TLE1: variants seen among roughly 807,000 people sequenced by gnomAD.
The protein encoded by TLE1 is TLE family member 1, transcriptional corepressor, also known as transducin-like enhancer protein 1.
Under a neutral mutation model 89.8 loss-of-function variants are expected in TLE1, and 21 were observed. The observed-to-expected ratio is 0.23, with a 90% CI of 0.17 to 0.34. The LOEUF (loss-of-function observed/expected upper bound fraction) is 0.34. Ranked by LOEUF, TLE1 falls within the 10% of genes least tolerant of loss-of-function variation. TLE1 has a pLI of 1.00. For synonymous variants in TLE1, 447 were observed against 407.6 expected (o/e 1.10, Z -1.16); for missense variants, 795 against 1,031.2 (o/e 0.77, Z 3.14).
intron 6 of TLE1, 94 bp downstream of exon 6, chr9:81,652,106 TACACACACACACAC>T (rs3045544): frequency 5.6e-5 from 39 of 696,356 alleles, no homozygotes; most frequent in Non-Finnish European, 7.9e-5. Context: ...AACGTTAAGA[TACACACACACACAC>T]ACACACACAC....
intron 16 of TLE1, 101 bp from the exon 17 acceptor site, chr9:81,587,929 T>C (rs368456981): frequency 1.2e-5 from 6 of 507,296 alleles, no homozygotes; most frequent in African/African-American, 5.8e-5. Context: ...TGTGTGTGTG[T>C]GTGTGTGTGT....
intron 4 of TLE1, among the ~76,000 whole-genome samples, chr9:81,661,977 C>G (rs11139360): frequency 0.21 from 31,816 of 152,100 alleles, 4,022 homozygotes; most frequent in Non-Finnish European, 0.28. Flanking sequence ...CAATGTGTTT[C>G]AAGAGCATGA....
intron 8 of TLE1, 52 bp from the exon 9 acceptor site, chr9:81,620,609 C>T (rs913700245): frequency 6.3e-7 from 1 of 1,579,394 alleles, no homozygotes; most frequent in East Asian, 2.2e-5. Context: ...TCTTTGTACA[C>T]ATGAAACCCA....
intron 4 of TLE1, among the ~76,000 whole-genome samples, chr9:81,675,708 G>GTTTTTTTTTTTTTTTTTTTTTTTTTTT (rs61458315): frequency 3.0e-5 from 4 of 132,442 alleles, no homozygotes; most frequent in African/African-American, 9.0e-5. Flanking sequence ...GTTTTTTTTT[G>GTTTTTTTTTTTTTTTTTTTTTTTTTTT]TTTTTTTTTT....
At chr9:81,584,352 C>G (rs553083579) in intron 19 of TLE1, 47 bp from the exon 20 acceptor site, 1 of 1,608,868 alleles carries the variant, frequency 6.2e-7, no homozygotes, top group African/African-American at 1.3e-5. Context: ...AACAACGGTA[C>G]TCAGAGGCCC....
At chr9:81,657,840 GGTT>G (rs1407831757) in intron 4 of TLE1, among the ~76,000 whole-genome samples, 1 of 150,822 alleles carries the variant, frequency 6.6e-6, no homozygotes, top group African/African-American at 2.4e-5. Flanking sequence ...CTAGGTAAAT[GGTT>G]GTTGTATTAT....
At chr9:81,683,417 C>T (rs900618186) in intron 4 of TLE1, among the ~76,000 whole-genome samples, 3 of 152,046 alleles carry the variant, frequency 2.0e-5, no homozygotes, top group Admixed American at 6.5e-5. Context: ...AAGGCCCTCT[C>T]TACAATATAA....
chr9:81,644,129 G>A (rs553229474), intron 6 of TLE1, among the ~76,000 whole-genome samples: 3 of 152,138 alleles, frequency 2.0e-5, no homozygotes, highest in Non-Finnish European at 2.9e-5. Context: ...TGGAATTCTC[G>A]TACGCTATTG....
chr9:81,678,021 C>T (rs1350761442), intron 4 of TLE1, among the ~76,000 whole-genome samples: 1 of 152,122 alleles, frequency 6.6e-6, no homozygotes, highest in Non-Finnish European at 1.5e-5. Flanking sequence ...GACTTGTATC[C>T]TACTCTTTTT....
intron 14 of TLE1, among the ~76,000 whole-genome samples, chr9:81,603,601 T>C (rs942861205): frequency 6.6e-6 from 1 of 152,176 alleles, no homozygotes; most frequent in African/African-American, 2.4e-5. Context: ...TCCCACAAGT[T>C]TTCCCCCAAT....
chr9:81,686,450 G>A (rs1178836792), intron 2 of TLE1, among the ~76,000 whole-genome samples: 1 of 152,326 alleles, frequency 6.6e-6, no homozygotes, highest in South Asian at 2.1e-4. Flanking sequence ...GTGTGTGCAA[G>A]TATGCCTCAA....
In TLE1 at chr9:81,616,726, T is replaced by C. The variant is rs775948803; in HGVS notation, c.712-27A>G. The C allele has an allele frequency of 6.8e-6, 11 of 1,613,404 alleles. No individual in the cohort carries two copies. The Admixed American group carries it at 1.5e-4, about 22-fold the overall frequency. On this transcript the variant is annotated intron_variant, in intron 9 of 19. Coordinates refer to ENST00000376499, the MANE Select transcript of TLE1 (RefSeq NM_005077.5). ...TGGAAAAAAGAAACATTAACGCCAT[T>C]TACTAAAAGCTAAGAATAGGTTTGA... is the stretch of plus-strand genomic sequence containing the variant.
chr9:81,663,350 A>AGATTG (rs72316626), intron 4 of TLE1, among the ~76,000 whole-genome samples: 2 of 1,348 alleles, frequency 1.5e-3, no homozygotes, highest in Non-Finnish European at 3.4e-3. Context: ...TCATAGAGCA[A>AGATTG]GAAGCCACAT....
At chr9:81,590,659 T>A in intron 16 of TLE1, 146 bp downstream of exon 16, 1 of 1,396,704 alleles carries the variant, frequency 7.2e-7, no homozygotes, top group Non-Finnish European at 9.7e-7. Flanking sequence ...GCAACACAGT[T>A]GTCTTTGTTC....
intron 4 of TLE1, among the ~76,000 whole-genome samples, chr9:81,672,592 T>G (rs533817121): frequency 6.6e-6 from 1 of 152,100 alleles, no homozygotes; most frequent in Admixed American, 6.6e-5. Context: ...TACTCACAAC[T>G]TTTGCACAGT....
At chr9:81,586,451 C>T (rs1828470895) in intron 17 of TLE1, among the ~76,000 whole-genome samples, 2 of 152,104 alleles carry the variant, frequency 1.3e-5, no homozygotes, top group African/African-American at 4.8e-5. Context: ...TGTAGCATAA[C>T]GGGAAGTATT....
At chr9:81,633,782 T>C (rs899671678) in intron 7 of TLE1, 10 of 480,116 alleles carry the variant, frequency 2.1e-5, no homozygotes, top group Non-Finnish European at 3.7e-5. Context: ...ACAACATTAC[T>C]TTCTTTGAAA....
At chr9:81,612,061 G>C (rs1823785920) in intron 12 of TLE1, 102 bp from the exon 13 acceptor site, 3 of 956,896 alleles carry the variant, frequency 3.1e-6, no homozygotes, top group African/African-American at 3.4e-5. Flanking sequence ...CATGGGGAGA[G>C]AGAAAGAGGT....
chr9:81,638,117 C>G (rs1233212406), intron 6 of TLE1, among the ~76,000 whole-genome samples: 1 of 152,198 alleles, frequency 6.6e-6, no homozygotes. Flanking sequence ...ACTACATACA[C>G]AGAGACAAAT....
Sources: gnomAD v4.1 joint callset for allele counts (sites outside exome capture counted in the v4.1 genomes callset) on GRCh38, gnomAD v4.1.1 for gene constraint, MANE v1.5 for transcripts, NCBI Gene and HGNC (gene_info 2026-07-23, HGNC 2026-07-21) for gene names.